The following SLC25A42 variants were observed in gnomAD, a reference collection of about 807,000 sequenced individuals.
SLC25A42 encodes mitochondrial coenzyme A transporter SLC25A42.
A neutral mutation model predicts 34.7 loss-of-function variants in SLC25A42; 19 were observed. The ratio of observed to expected loss-of-function variants is 0.55; its 90% CI spans 0.38 to 0.80. The LOEUF (loss-of-function observed/expected upper bound fraction) is 0.80, where lower values mean the gene tolerates loss of function less well. Ranked by LOEUF, SLC25A42 falls within the 30% of genes least tolerant of loss-of-function variation. The pLI is 0.00. For synonymous variants in SLC25A42, 205 were observed against 191.2 expected (o/e 1.07, Z -0.59); for missense variants, 364 against 441.3 (o/e 0.82, Z 1.57).
At position 19,096,216 on chromosome 19, in the gene SLC25A42, C is replaced by T. The variant is rs773930886; in HGVS notation, c.81+11C>T. On this transcript the variant is annotated intron_variant, in intron 2 of 7. Transcript: ENST00000318596. ...TCCGTCTCATCAAAGGCAAGTACCC[C>T]GGCCTCCTGGGATGGGTGTTCTCCT... is the stretch of plus-strand genomic sequence containing the variant. The T allele has an allele frequency of 2.3e-5, 37 of 1,605,058 alleles. No individual in the cohort carries two copies. Among genetic ancestry groups the T allele is most frequent in the African/African-American group, 5.4e-5 (4 of 74,692 alleles).
chr19:19,082,663 T>C (rs1353899623), intron 1 of SLC25A42, among the ~76,000 whole-genome samples: 1 of 141,120 alleles, frequency 7.1e-6, no homozygotes, highest in Non-Finnish European at 1.5e-5. Context: ...GATCTTGGCC[T>C]TTTTTTTTTG....
intron 7 of SLC25A42, 128 bp downstream of exon 7, chr19:19,108,173 G>A: frequency 2.9e-6 from 3 of 1,019,238 alleles, no homozygotes; most frequent in Non-Finnish European, 4.1e-6. Flanking sequence ...GGGGCAGGCT[G>A]TAGACCCACA....
At chr19:19,085,704 G>A (rs1174804489) in intron 1 of SLC25A42, among the ~76,000 whole-genome samples, 1 of 152,216 alleles carries the variant, frequency 6.6e-6, no homozygotes, top group Non-Finnish European at 1.5e-5. Flanking sequence ...GGGTGCCTGT[G>A]TCTTCACCCC....
chr19:19,094,945 A>G (rs1178115658), intron 1 of SLC25A42, among the ~76,000 whole-genome samples: 2 of 152,162 alleles, frequency 1.3e-5, no homozygotes, highest in African/African-American at 4.8e-5. Flanking sequence ...TTGTAATCCC[A>G]GCACTTTGGG....
At chr19:19,107,837 T>G in intron 6 of SLC25A42, 57 bp from the exon 7 acceptor site, 4 of 1,598,894 alleles carry the variant, frequency 2.5e-6, no homozygotes, top group Non-Finnish European at 3.4e-6. Context: ...CCTCTGTGGC[T>G]CCTCCCTGTG....
At chr19:19,089,612 A>T (rs1341069298) in intron 1 of SLC25A42, among the ~76,000 whole-genome samples, 2 of 151,912 alleles carry the variant, frequency 1.3e-5, no homozygotes, top group Non-Finnish European at 2.9e-5. Flanking sequence ...TCACACCTGT[A>T]ATCCCAGCAC....
Position 19,109,506 on chromosome 19 carries a change from C to G in SLC25A42, c.650-1063C>G, listed in dbSNP as rs1476883112. Among the ~76,000 whole-genome samples the G allele has an allele frequency of 6.6e-6, 1 of 152,184 alleles. No homozygotes were observed. Among genetic ancestry groups the G allele is most frequent in the African/African-American group, 2.4e-5 (1 of 41,436 alleles). On this transcript the variant is annotated intron_variant, in intron 7 of 7. Transcript: ENST00000318596. This position sits in a 1 kb window ranked among gnomAD's most constrained non-coding sequence, Gnocchi z 4.1. ...AGTGCAGTGGAACGATCTCAGCTCA[C>G]TGCAACCTCCACTTCCTGGGTTCAA...
At position 19,107,971 on chromosome 19, in the gene SLC25A42, C is replaced by G; in HGVS notation, c.575C>G (p.Pro192Arg). The change falls in exon 7 of 8, where the codon CCC becomes CGC. Residue 192 changes from proline (P) to arginine (R), a missense_variant. By Grantham distance (103) the Pro-to-Arg change is moderately radical (BLOSUM62 -2). Transcript: ENST00000318596. ...GLKTLYHGFM[P>R]TVLGVIPYAG... is the part of the protein sequence containing the mutation. ...AAGACTCTCTACCATGGATTTATGCCCACCGTGCTGGGGGTCATTCCCTAC... is the reference window on the plus strand; with the variant it reads ...AAGACTCTCTACCATGGATTTATGCGCACCGTGCTGGGGGTCATTCCCTAC... 1 of 1,613,664 alleles carries G rather than the reference C, an allele frequency of 6.2e-7. No homozygotes were observed. The highest frequency in any genetic ancestry group is 8.5e-7 in the Non-Finnish European group (1 of 1,179,784).
chr19:19,100,435 C>G (rs899334629), intron 2 of SLC25A42, among the ~76,000 whole-genome samples: 2 of 152,126 alleles, frequency 1.3e-5, no homozygotes, highest in African/African-American at 2.4e-5. Context: ...TTTGCCATCT[C>G]CTTTCTCTTC....
rs1438583221 is a variant in SLC25A42 at position 19,111,271 on chromosome 19, CCTT to C, written c.*399_*401del. The C allele has an allele frequency of 2.7e-5, 6 of 223,040 alleles. No individual in the cohort carries two copies. The highest frequency in any genetic ancestry group is 2.1e-4 in the Admixed American group (4 of 18,994). The allele number at this position is 223,040 out of a possible 1,614,324, so 13.8% of individuals were successfully genotyped here. Reference sequence around the variant, plus strand: ...GGCTCAGAGCCAGACCGCGCCTGGACCTTCTTGTTCTGACTCCACGTGCCTGCC... The same window carrying C: ...GGCTCAGAGCCAGACCGCGCCTGGACCTTGTTCTGACTCCACGTGCCTGCC... On this transcript the variant is annotated 3_prime_UTR_variant, in exon 8 of 8. Transcript: ENST00000318596.
At chr19:19,077,887 A>C (rs2059662558) in intron 1 of SLC25A42, among the ~76,000 whole-genome samples, 1 of 151,654 alleles carries the variant, frequency 6.6e-6, no homozygotes, top group Non-Finnish European at 1.5e-5. Context: ...ACTCCAACTC[A>C]AAAAAAAAGA....
intron 1 of SLC25A42, among the ~76,000 whole-genome samples, chr19:19,088,871 G>A (rs900244043): frequency 2.0e-5 from 3 of 148,754 alleles, no homozygotes; most frequent in South Asian, 2.1e-4. Context: ...GCAGCGGCAC[G>A]ATCTTGGCTC....
intron 1 of SLC25A42, among the ~76,000 whole-genome samples, chr19:19,083,859 G>A (rs115929592): frequency 0.014 from 2,142 of 151,228 alleles, 46 homozygotes; most frequent in African/African-American, 0.047. Flanking sequence ...CATCTCCAGG[G>A]CCCTGCACAC....
At position 19,099,286 on chromosome 19, in the gene SLC25A42, G is replaced by A. The variant is rs570109047; in HGVS notation, c.82-2495G>A. Among the ~76,000 whole-genome samples the A allele has an allele frequency of 3.3e-5, 5 of 152,270 alleles. No individual in the cohort carries two copies. The South Asian group carries it at 8.3e-4, about 25-fold the overall frequency. On this transcript the variant is annotated intron_variant, in intron 2 of 7. Transcript: ENST00000318596. ...GAAGTTTGGCCTCAGAAACAAAATC[G>A]CTGTGCAATCTGTCCCTTTGAGGAA...
Position 19,081,076 on chromosome 19 carries a change from A to G in SLC25A42, c.-34-15015A>G, listed in dbSNP as rs1262770743. On this transcript the variant is annotated intron_variant, in intron 1 of 7. Transcript: ENST00000318596. The surrounding 1 kb of genome is among the most constrained non-coding windows in gnomAD (Gnocchi z 4.5). The stretch of plus-strand genomic sequence containing the variant: ...GAAGTTACAATGAGCTGATTGTGCC[A>G]CTACACTCCTACCTGGGTGACAGAG... Among the ~76,000 whole-genome samples the G allele has an allele frequency of 6.6e-6, 1 of 152,000 alleles. No homozygotes were observed. Among genetic ancestry groups the G allele is most frequent in the East Asian group, 1.9e-4 (1 of 5,198 alleles).
intron 1 of SLC25A42, among the ~76,000 whole-genome samples, chr19:19,078,610 A>G (rs2059666528): frequency 6.6e-6 from 1 of 152,186 alleles, no homozygotes; most frequent in Non-Finnish European, 1.5e-5. Context: ...AAGCACACAG[A>G]GGGAGTGACA....
intron 1 of SLC25A42, among the ~76,000 whole-genome samples, chr19:19,070,964 A>G (rs1328156539): frequency 6.7e-6 from 1 of 149,336 alleles, no homozygotes; most frequent in Non-Finnish European, 1.5e-5. Context: ...TAAGCCACCA[A>G]GGACCTGACT....
chr19:19,110,351 A>C (rs1196068543), intron 7 of SLC25A42, among the ~76,000 whole-genome samples: 1 of 152,200 alleles, frequency 6.6e-6, no homozygotes, highest in Admixed American at 6.5e-5. Flanking sequence ...CTCCAAAAAA[A>C]AAATTTTTTT....
intron 1 of SLC25A42, among the ~76,000 whole-genome samples, chr19:19,068,227 C>A (rs934755947): frequency 4.6e-5 from 7 of 151,576 alleles, no homozygotes; most frequent in Admixed American, 4.0e-4. Flanking sequence ...TAGTGGCATG[C>A]GCCTGTAATC....
Sources: allele counts gnomAD v4.1 joint callset (sites outside exome capture counted in the v4.1 genomes callset), GRCh38; gene constraint gnomAD v4.1.1; non-coding constraint Gnocchi (gnomAD v3.1); transcripts MANE v1.5; gene names NCBI Gene and HGNC (gene_info 2026-07-23, HGNC 2026-07-21).